GOLGA3: variants seen among roughly 807,000 people sequenced by gnomAD.
The protein encoded by GOLGA3 is golgin A3.
Under a neutral mutation model 169.4 loss-of-function variants are expected in GOLGA3, and 75 were observed. That is an observed-to-expected ratio of 0.44 (90% confidence interval 0.37 to 0.54). The LOEUF (loss-of-function observed/expected upper bound fraction) is 0.54, where lower values mean the gene tolerates loss of function less well. Ranked by LOEUF, GOLGA3 falls within the 20% of genes least tolerant of loss-of-function variation. GOLGA3 has a pLI of 0.00. For missense variants in GOLGA3, 1,899 were observed against 1,930.0 expected (o/e 0.98, Z 0.30); for synonymous variants, 824 against 822.4 (o/e 1.00, Z -0.03).
intron 1 of GOLGA3, among the ~76,000 whole-genome samples, chr12:132,825,139 A>G (rs1457305813): frequency 6.6e-6 from 1 of 152,090 alleles, no homozygotes; most frequent in Non-Finnish European, 1.5e-5. Context: ...TTGCTTTGTG[A>G]TGTCTTTGCT....
At chr12:132,780,121 G>GTA (rs2045504571) in intron 18 of GOLGA3, among the ~76,000 whole-genome samples, 1 of 31,526 alleles carries the variant, frequency 3.2e-5, no homozygotes, top group Admixed American at 2.5e-4. Context: ...CCCCCCGCGT[G>GTA]CACACACCCC....
intron 1 of GOLGA3, 144 bp from the exon 2 acceptor site, chr12:132,822,455 C>A: frequency 1.9e-6 from 1 of 535,146 alleles, no homozygotes; most frequent in East Asian, 3.5e-5. Context: ...CTGGAGCACC[C>A]ACAACATCCT....
At chr12:132,787,312 C>A (rs1303782443) in intron 13 of GOLGA3, among the ~76,000 whole-genome samples, 2 of 152,016 alleles carry the variant, frequency 1.3e-5, no homozygotes, top group Admixed American at 1.3e-4. Context: ...GCATCAGAGG[C>A]ACAACAGGAC....
chr12:132,788,947 C>CCAGACACAGGCCCCGCCT, intron 13 of GOLGA3, 80 bp downstream of exon 13: 1 of 1,293,320 alleles, frequency 7.7e-7, no homozygotes, highest in Middle Eastern at 2.0e-4. Flanking sequence ...AGGCCCCGCC[C>CCAGACACAGGCCCCGCCT]CAGACACAGG....
In GOLGA3 at chr12:132,777,481, C is replaced by T. The variant is rs1469175755; in HGVS notation, c.3722+185G>A. On this transcript the variant is annotated intron_variant, in intron 19 of 23. Transcript: ENST00000450791. The surrounding 1 kb of genome is among the most constrained non-coding windows in gnomAD (Gnocchi z 4.7). ...CGCTTTCTCTCTTGGGGGGAGGACA[C>T]GGGGCAGTGAGTGAGGCTCAGGATT... 1.3e-5 allele frequency among the ~76,000 whole-genome samples: 2 copies of T among 152,304 alleles called. No individual in the cohort carries two copies. The highest frequency in any genetic ancestry group is 3.4e-3 in the Middle Eastern group (1 of 294).
At chr12:132,825,535 C>A (rs1950375870) in intron 1 of GOLGA3, among the ~76,000 whole-genome samples, 1 of 152,166 alleles carries the variant, frequency 6.6e-6, no homozygotes, top group African/African-American at 2.4e-5. Flanking sequence ...GCTAATGGTT[C>A]CAAAACAAAA....
chr12:132,790,631 T>C (rs937128862), intron 12 of GOLGA3, among the ~76,000 whole-genome samples: 17 of 151,934 alleles, frequency 1.1e-4, no homozygotes, highest in African/African-American at 4.1e-4. Context: ...CTCCCTGGAG[T>C]GAGCACAACA....
At chr12:132,825,523 A>C (rs565006674) in intron 1 of GOLGA3, among the ~76,000 whole-genome samples, 4 of 152,234 alleles carry the variant, frequency 2.6e-5, no homozygotes, top group Non-Finnish European at 4.4e-5. Context: ...CTCTGCTACA[A>C]AGCTAATGGT....
rs141137343 is a variant in GOLGA3, at chr12:132,777,781, C to T, written c.3607G>A (p.Gly1203Arg). 5.6e-5 allele frequency: 91 copies of T among 1,613,432 alleles called. No homozygotes were observed. The highest frequency in any genetic ancestry group is 6.6e-5 in the South Asian group (6 of 91,052). Residue 1203 changes from glycine to arginine, a missense_variant, in exon 19 of 24, where the codon GGG becomes AGG. Physicochemically the swap from Gly to Arg is moderately radical, Grantham distance 125. Coordinates refer to ENST00000450791, the MANE Select transcript of GOLGA3 (RefSeq NM_001389683.1). This position sits in a 1 kb window ranked among gnomAD's most constrained non-coding sequence, Gnocchi z 4.7. ...GCCTTGAAGTGGCGGCGGTTATGCCCGGCTTCCACCTTGGCAGCAGCCACC... is the reference window on the plus strand; with the variant it reads ...GCCTTGAAGTGGCGGCGGTTATGCCTGGCTTCCACCTTGGCAGCAGCCACC... ...EQVAAAKVEAGHNRRHFKAAS... is the reference protein window; with the variant it reads ...EQVAAAKVEARHNRRHFKAAS...
Position 132,824,744 on chromosome 12 carries a change from A to G in GOLGA3, c.-183-2433T>C, listed in dbSNP as rs150572980. ...GGATTTTCCGGGTGGGTGGGTGATA[A>G]ATGGGCCTTAGAGCCTAGGCAGGGA... On this transcript the variant is annotated intron_variant, in intron 1 of 23. Transcript: ENST00000450791. 3.4e-4 allele frequency among the ~76,000 whole-genome samples: 52 copies of G among 152,270 alleles called. 1 individual carries two copies. In the East Asian group the frequency reaches 8.7e-3, roughly 25 times the overall value.
At chr12:132,824,159 G>A (rs902657891) in intron 1 of GOLGA3, among the ~76,000 whole-genome samples, 13 of 152,344 alleles carry the variant, frequency 8.5e-5, no homozygotes, top group African/African-American at 2.6e-4. Flanking sequence ...TGACCCCGCA[G>A]CAGGACGTGC....
rs780318949 is a variant in GOLGA3, at chr12:132,786,376, G to A, written c.3086C>T (p.Ala1029Val). 35 of 1,609,410 alleles carry A rather than the reference G, an allele frequency of 2.2e-5. No homozygotes were observed. The South Asian group carries it at 3.7e-4, about 17-fold the overall frequency. The change falls in exon 15 of 24, where the codon GCC (alanine) becomes GTC (valine). Residue 1029 changes from alanine (A) to valine (V), a missense_variant. Coordinates refer to ENST00000450791, the MANE Select transcript of GOLGA3 (RefSeq NM_001389683.1). ...GCTGCTGTCACTGCTGCCACCCTGGGCTCGGAGCTGGCCCAGCTCCGCGTC... is the reference window on the plus strand; with the variant it reads ...GCTGCTGTCACTGCTGCCACCCTGGACTCGGAGCTGGCCCAGCTCCGCGTC... ...AADAELGQLR[A>V]QGGSSDSSLA...
At chr12:132,788,013 G>A (rs2046019037) in intron 13 of GOLGA3, among the ~76,000 whole-genome samples, 1 of 152,076 alleles carries the variant, frequency 6.6e-6, no homozygotes, top group African/African-American at 2.4e-5. Context: ...CAGCTCCTGT[G>A]TGCGAGGCGA....
rs1948857899 is a variant in GOLGA3 at position 132,796,677 on chromosome 12, T to C, written c.1962A>G (p.Ala654=). The change falls in exon 10 of 24, where the codon GCA becomes GCG. Residue 654 remains alanine (A), a synonymous_variant. Transcript: ENST00000450791. ...TTGCCTCCTGAATCTGCATGAAGGC[T>C]GCTTCCTGATCCAACATGTCAGCCT... is the stretch of plus-strand genomic sequence containing the variant. ...GIEADMLDQE[A]AFMQIQEAKT... is the part of the protein sequence containing the mutation. 6.2e-7 allele frequency: 1 copy of C among 1,614,080 alleles called. No homozygotes were observed.
At chr12:132,776,855 T>C in intron 20 of GOLGA3, 99 bp from the exon 21 acceptor site, 3 of 1,550,782 alleles carry the variant, frequency 1.9e-6, no homozygotes, top group Non-Finnish European at 2.6e-6. Context: ...TTTAATACCA[T>C]ATTCAGAAAA....
intron 15 of GOLGA3, among the ~76,000 whole-genome samples, chr12:132,784,714 ACACACACACGTGCTCACACCC>A (rs1254562999): frequency 1.4e-4 from 14 of 97,878 alleles, no homozygotes; most frequent in African/African-American, 3.8e-4. Flanking sequence ...CCCACACACC[ACACACACACGTGCTCACACCC>A]CACACGCACA....
At chr12:132,782,771 G>C (rs2045674244) in intron 16 of GOLGA3, among the ~76,000 whole-genome samples, 1 of 151,894 alleles carries the variant, frequency 6.6e-6, no homozygotes, top group Admixed American at 6.6e-5. Context: ...AGCTACTCAG[G>C]AGGCTGAGGC....
chr12:132,774,108 G>C, intron 23 of GOLGA3, 49 bp downstream of exon 23: 1 of 1,501,212 alleles, frequency 6.7e-7, no homozygotes, highest in Non-Finnish European at 8.9e-7. Context: ...AGGTAAGAGG[G>C]CATTAATCTT....
intron 4 of GOLGA3, 54 bp downstream of exon 4, chr12:132,813,253 T>C (rs1949803802): frequency 1.6e-6 from 2 of 1,223,210 alleles, no homozygotes; most frequent in Non-Finnish European, 2.4e-6. Flanking sequence ...GGACCAACAG[T>C]TGTCTCTGGC....
Sources: allele counts gnomAD v4.1 joint callset (sites outside exome capture counted in the v4.1 genomes callset), GRCh38; gene constraint gnomAD v4.1.1; non-coding constraint Gnocchi (gnomAD v3.1); transcripts MANE v1.5; gene names NCBI Gene and HGNC (gene_info 2026-07-23, HGNC 2026-07-21).